The following ZNF714 variants were observed in gnomAD, a reference collection of about 807,000 sequenced individuals.
ZNF714 encodes the protein zinc finger protein 714.
ZNF714 carries 32 observed loss-of-function variants against 46.2 expected under a neutral mutation model. The ratio of observed to expected loss-of-function variants is 0.69; its 90% CI spans 0.52 to 0.93. The LOEUF (loss-of-function observed/expected upper bound fraction) is 0.93, where lower values mean the gene tolerates loss of function less well. ZNF714 is among the 40% of genes least tolerant of loss of function. The pLI, the probability that ZNF714 is intolerant of heterozygous loss-of-function variation, is 0.00. For synonymous variants in ZNF714, 199 were observed against 213.1 expected (o/e 0.93, Z 0.58); for missense variants, 635 against 646.3 (o/e 0.98, Z 0.19).
intron 1 of ZNF714, among the ~76,000 whole-genome samples, chr19:21,083,676 G>C (rs1568271029): frequency 6.6e-6 from 1 of 151,984 alleles, no homozygotes; most frequent in Non-Finnish European, 1.5e-5. Context: ...TAAAAGGTTT[G>C]TTACCTGTTT....
At chr19:21,108,836 G>T (rs937312761) in intron 4 of ZNF714, among the ~76,000 whole-genome samples, 13 of 152,102 alleles carry the variant, frequency 8.5e-5, no homozygotes, top group African/African-American at 2.7e-4. Context: ...TGCAAATGAT[G>T]TCTTGATCTC....
intron 2 of ZNF714, among the ~76,000 whole-genome samples, chr19:21,094,795 G>A (rs1968999050): frequency 6.6e-6 from 1 of 152,132 alleles, no homozygotes; most frequent in Non-Finnish European, 1.5e-5. Context: ...CCAAAGTGCT[G>A]GGGTTACCGC....
intron 2 of ZNF714, among the ~76,000 whole-genome samples, chr19:21,097,410 T>C (rs1017496518): frequency 1.3e-5 from 2 of 152,226 alleles, no homozygotes; most frequent in African/African-American, 4.8e-5. Context: ...CAGCACATCA[T>C]AAAAATTTAT....
Position 21,117,074 on chromosome 19 carries a change from C to A in ZNF714, c.410C>A (p.Thr137Lys). The A allele has an allele frequency of 6.2e-7, 1 of 1,613,296 alleles. No homozygotes were observed. The highest frequency in any genetic ancestry group is 8.5e-7 in the Non-Finnish European group (1 of 1,179,506). The change falls in exon 5 of 5, where the codon ACA (threonine) becomes AAA (lysine). Residue 137 changes from threonine (T) to lysine (K), a missense_variant. By Grantham distance (78) the Thr-to-Lys change is moderately conservative. Transcript: ENST00000456283. ...HKIFNSNRHK[T>K]RHTGEKPFKC... is the part of the protein sequence containing the mutation. The stretch of plus-strand genomic sequence containing the variant: ...ATTTTCAATTCAAATAGACACAAGA[C>A]AAGACATACTGGAGAGAAACCTTTC...
chr19:21,104,737 C>T (rs1432477905), intron 4 of ZNF714, among the ~76,000 whole-genome samples: 3 of 151,964 alleles, frequency 2.0e-5, no homozygotes, highest in South Asian at 2.1e-4. Context: ...CTCAGCCTCC[C>T]GAGTAGCTGA....
rs1376842714 is a variant in ZNF714 at position 21,119,215 on chromosome 19, C to G, written c.*883C>G. ...GTCAGGAGTTTGAGACCAGCCTATC[C>G]AAGATGGTGAAACCCCATCTCTACT... On this transcript the variant is annotated 3_prime_UTR_variant, in exon 5 of 5. Coordinates refer to ENST00000456283, the MANE Select transcript of ZNF714 (RefSeq NM_182515.4). The G allele has an allele frequency of 5.4e-6, 2 of 372,630 alleles. No homozygotes were observed. Among genetic ancestry groups the G allele is most frequent in the Non-Finnish European group, 1.1e-5 (2 of 190,078 alleles). The allele number at this position is 372,630 out of a possible 1,614,324, so 23.1% of individuals were successfully genotyped here. A position where few individuals can be genotyped will look rare whatever the true frequency, so the allele number is the denominator to read the frequency against.
intron 3 of ZNF714, among the ~76,000 whole-genome samples, chr19:21,098,523 A>C (rs554355418): frequency 6.6e-6 from 1 of 152,282 alleles, no homozygotes; most frequent in South Asian, 2.1e-4. Context: ...GCTGATCTGC[A>C]TCCTTCACTC....
intron 4 of ZNF714, among the ~76,000 whole-genome samples, chr19:21,109,288 G>T (rs1356498133): frequency 6.6e-6 from 1 of 152,040 alleles, no homozygotes; most frequent in African/African-American, 2.4e-5. Context: ...GCATGATCAT[G>T]ACTCACTGCA....
At chr19:21,085,515 T>C (rs990457726) in intron 2 of ZNF714, among the ~76,000 whole-genome samples, 36 of 152,302 alleles carry the variant, frequency 2.4e-4, no homozygotes, top group African/African-American at 8.7e-4. Context: ...AACACTGTGT[T>C]TGAGTAATTT....
At position 21,116,966 on chromosome 19, in the gene ZNF714, GTTATAATGAAC is replaced by G. The variant is rs1889915422; in HGVS notation, c.304_314del (p.Tyr102LysfsTer15). ...GTTGAGTGTAAGGTGTACAAAAAAG[GTTATAATGAAC>G]TAAACCAGTGTTTGACAACTACCCA... On this transcript the variant is annotated frameshift_variant, in exon 5 of 5. Transcript: ENST00000456283. LOFTEE classifies it high-confidence loss of function. The G allele has an allele frequency of 6.2e-7, 1 of 1,609,236 alleles. No homozygotes were observed. Among genetic ancestry groups the G allele is most frequent in the Admixed American group, 1.7e-5 (1 of 59,538 alleles).
intron 4 of ZNF714, among the ~76,000 whole-genome samples, chr19:21,108,405 G>A (rs1969371909): frequency 6.6e-6 from 1 of 152,168 alleles, no homozygotes. Context: ...ATGCTGCAGT[G>A]TAATCCTCAA....
At position 21,118,374 on chromosome 19, in the gene ZNF714, C is replaced by G; in HGVS notation, c.*42C>G. ...GGCAGAGGCAGGAGAATCATTTGAA[C>G]CTGGGAGGCAGAGGTTGCAGTGAGC... is the stretch of plus-strand genomic sequence containing the variant. On this transcript the variant is annotated 3_prime_UTR_variant, in exon 5 of 5. Transcript: ENST00000456283. 1 of 595,330 alleles carries G rather than the reference C, an allele frequency of 1.7e-6. No homozygotes were observed. Among genetic ancestry groups the G allele is most frequent in the Non-Finnish European group, 2.8e-6 (1 of 359,478 alleles). 36.9% of individuals were successfully genotyped at this position (595,330 alleles called of 1,614,324 possible). A position where few individuals can be genotyped will look rare whatever the true frequency, so the allele number is the denominator to read the frequency against.
In ZNF714 at chr19:21,102,425, T is replaced by C. The variant is rs73537712; in HGVS notation, c.142+3515T>C. Among the ~76,000 whole-genome samples, 921 of 152,346 alleles carry C rather than the reference T, an allele frequency of 6.0e-3. 12 individuals carry two copies. The highest frequency in any genetic ancestry group is 0.021 in the African/African-American group (867 of 41,586). ...CTTTCTTCAGCATATATCTAAATGA[T>C]AATTTACTTGTAAATATTTGTTTTA... On this transcript the variant is annotated intron_variant, in intron 4 of 4. Coordinates refer to ENST00000456283, the MANE Select transcript of ZNF714 (RefSeq NM_182515.4).
At chr19:21,116,752 G>T in intron 4 of ZNF714, 55 bp from the exon 5 acceptor site, 1 of 1,517,052 alleles carries the variant, frequency 6.6e-7, no homozygotes, top group Admixed American at 2.3e-5. Context: ...GATTTGTAAA[G>T]TATGTTTATC....
chr19:21,105,026 C>CTTTTTT (rs34750232), intron 4 of ZNF714, among the ~76,000 whole-genome samples: 4 of 129,756 alleles, frequency 3.1e-5, no homozygotes, highest in Non-Finnish European at 4.7e-5. Flanking sequence ...TCATTTCTTT[C>CTTTTTT]TTTTTTTTTT....
In ZNF714 at chr19:21,124,266, CATTCTT is replaced by C. The variant is rs973203563; in HGVS notation, c.*5940_*5945del. ...TACCACAAAGATACAGTATTTGACA[CATTCTT>C]ATTCTATAACATTTTGAAAATATTT... On this transcript the variant is annotated 3_prime_UTR_variant, in exon 5 of 5. Transcript: ENST00000456283. 3.3e-5 allele frequency: 5 copies of C among 152,172 alleles called. No homozygotes were observed. In the South Asian group the frequency reaches 6.2e-4, roughly 19 times the overall value. 9.4% of individuals were successfully genotyped at this position (152,172 alleles called of 1,614,324 possible).
chr19:21,113,610 G>A (rs370484105), intron 4 of ZNF714, among the ~76,000 whole-genome samples: 10 of 151,288 alleles, frequency 6.6e-5, no homozygotes, highest in African/African-American at 2.2e-4. Context: ...AGGTTCAAGC[G>A]ATTCTCCTGT....
intron 4 of ZNF714, among the ~76,000 whole-genome samples, chr19:21,110,972 G>A (rs1384740787): frequency 1.3e-5 from 2 of 152,148 alleles, no homozygotes; most frequent in Non-Finnish European, 2.9e-5. Context: ...ACAGTACCAG[G>A]CAGCTTTGGT....
intron 4 of ZNF714, among the ~76,000 whole-genome samples, chr19:21,105,223 AT>A (rs1452047281): frequency 6.6e-6 from 1 of 151,250 alleles, no homozygotes; most frequent in Non-Finnish European, 1.5e-5. Context: ...GAGTTTCACC[AT>A]CTTGGTCAGG....
Sources: allele counts gnomAD v4.1 joint callset (sites outside exome capture counted in the v4.1 genomes callset), GRCh38; gene constraint gnomAD v4.1.1; transcripts MANE v1.5; gene names NCBI Gene and HGNC (gene_info 2026-07-23, HGNC 2026-07-21).